Variants in EFL1 observed in about 807,000 individuals in gnomAD.
EFL1 encodes elongation factor like GTPase 1.
A neutral mutation model predicts 126.7 loss-of-function variants in EFL1; 76 were observed. That is an observed-to-expected ratio of 0.60 (90% CI 0.50 to 0.73). The LOEUF (loss-of-function observed/expected upper bound fraction) is 0.73, where lower values mean the gene tolerates loss of function less well. Ranked by LOEUF, EFL1 falls within the 30% of genes least tolerant of loss-of-function variation. EFL1 has a pLI of 0.00. For synonymous variants in EFL1, 410 were observed against 448.4 expected (o/e 0.91, Z 1.08); for missense variants, 1,128 against 1,343.2 (o/e 0.84, Z 2.50).
At chr15:82,206,608 G>C (rs1344511598) in intron 15 of EFL1, among the ~76,000 whole-genome samples, 2 of 152,062 alleles carry the variant, frequency 1.3e-5, no homozygotes, top group Non-Finnish European at 2.9e-5. Flanking sequence ...AGCTCTAACT[G>C]ATGTTAATTA....
chr15:82,209,316 G>GACAC (rs57128885), intron 15 of EFL1, among the ~76,000 whole-genome samples: 15,316 of 146,166 alleles, frequency 0.1, 990 homozygotes, highest in East Asian at 0.16. Context: ...CACAGACACA[G>GACAC]ACACACACAC....
intron 16 of EFL1, among the ~76,000 whole-genome samples, chr15:82,158,261 G>A (rs9944197): frequency 0.67 from 101,214 of 152,112 alleles, 35,422 homozygotes; most frequent in African/African-American, 0.89. Flanking sequence ...AACATTTAAT[G>A]TGATATTCAA....
intron 15 of EFL1, among the ~76,000 whole-genome samples, chr15:82,194,494 A>G (rs1204891446): frequency 6.6e-6 from 1 of 152,258 alleles, no homozygotes; most frequent in Non-Finnish European, 1.5e-5. Flanking sequence ...ATAAAATAGG[A>G]TATACCTTCC....
At chr15:82,195,568 G>C (rs1382308414) in intron 15 of EFL1, among the ~76,000 whole-genome samples, 1 of 152,192 alleles carries the variant, frequency 6.6e-6, no homozygotes, top group Admixed American at 6.5e-5. Context: ...TGGACCTCCA[G>C]TCTCTCTTTG....
intron 15 of EFL1, among the ~76,000 whole-genome samples, chr15:82,177,976 G>C (rs140204428): frequency 3.0e-4 from 45 of 152,254 alleles, no homozygotes; most frequent in Non-Finnish European, 4.4e-4. Context: ...GTGACTCTCT[G>C]AATAAAGACC....
chr15:82,154,662 G>C (rs1215215572), intron 17 of EFL1, among the ~76,000 whole-genome samples: 1 of 152,164 alleles, frequency 6.6e-6, no homozygotes, highest in East Asian at 1.9e-4. Flanking sequence ...TAAGTATGAA[G>C]GTAACTGCTA....
intron 15 of EFL1, among the ~76,000 whole-genome samples, chr15:82,185,044 CCTGCTACAATGGATTTTGT>C (rs2074288951): frequency 6.6e-6 from 1 of 152,186 alleles, no homozygotes; most frequent in East Asian, 1.9e-4. Context: ...TTTTATATCC[CCTGCTACAATGGATTTTGT>C]CTGTTAGAGA....
At chr15:82,261,182 C>A (rs1202244656) in intron 2 of EFL1, among the ~76,000 whole-genome samples, 4 of 152,066 alleles carry the variant, frequency 2.6e-5, no homozygotes, top group African/African-American at 9.7e-5. Context: ...CTTCCTAATC[C>A]TCTAGTTCTC....
intron 15 of EFL1, among the ~76,000 whole-genome samples, chr15:82,195,362 G>A (rs1318433870): frequency 1.3e-5 from 2 of 152,122 alleles, no homozygotes; most frequent in African/African-American, 2.4e-5. Context: ...GCTGTAAACC[G>A]TGCTAGTGTA....
intron 12 of EFL1, 48 bp downstream of exon 12, chr15:82,225,117 A>G (rs62012011): frequency 0.2 from 286,400 of 1,452,624 alleles, 30,698 homozygotes; most frequent in Non-Finnish European, 0.23. Context: ...CATCCCACCA[A>G]ACATACACCA....
At chr15:82,250,370 G>A (rs1295865819) in intron 4 of EFL1, among the ~76,000 whole-genome samples, 2 of 116,000 alleles carry the variant, frequency 1.7e-5, no homozygotes, top group African/African-American at 3.4e-5. Flanking sequence ...ACTCCACTCC[G>A]ATCACCACTG....
chr15:82,238,079 A>G (rs1567075212), intron 7 of EFL1, among the ~76,000 whole-genome samples: 1 of 152,182 alleles, frequency 6.6e-6, no homozygotes, highest in Non-Finnish European at 1.5e-5. Context: ...AATGTTTTGT[A>G]TATTGACGGC....
In EFL1 at chr15:82,217,910, A is replaced by G. The variant is rs796704380; in HGVS notation, c.1611+1742T>C. On this transcript the variant is annotated intron_variant, in intron 14 of 19. Transcript: ENST00000268206. ...TGATGAAGAGGGCCTCCAAGTTGGG[A>G]AGGTCCATATGACAAGAAACTGTAG... 5.3e-5 allele frequency among the ~76,000 whole-genome samples: 8 copies of G among 152,306 alleles called. 1 individual carries two copies. Among genetic ancestry groups the G allele is most frequent in the African/African-American group, 1.9e-4 (8 of 41,566 alleles).
chr15:82,179,384 T>C (rs1336751299), intron 15 of EFL1, among the ~76,000 whole-genome samples: 2 of 152,114 alleles, frequency 1.3e-5, no homozygotes, highest in Admixed American at 6.5e-5. Flanking sequence ...AGTTTGCTTG[T>C]AAAACAGCAC....
At chr15:82,244,925 T>G (rs1160886363) in intron 4 of EFL1, among the ~76,000 whole-genome samples, 1 of 152,142 alleles carries the variant, frequency 6.6e-6, no homozygotes, top group Non-Finnish European at 1.5e-5. Context: ...ACTGAAGTTA[T>G]GGAAGAAGAT....
At chr15:82,246,900 T>A (rs1282492535) in intron 4 of EFL1, among the ~76,000 whole-genome samples, 2 of 152,022 alleles carry the variant, frequency 1.3e-5, no homozygotes, top group African/African-American at 4.8e-5. Flanking sequence ...CAGTGAGAGA[T>A]GGGAAATCTG....
chr15:82,231,087 A>G, intron 7 of EFL1, 116 bp from the exon 8 acceptor site: 1 of 1,269,154 alleles, frequency 7.9e-7, no homozygotes, highest in Non-Finnish European at 1.1e-6. Flanking sequence ...TATCCTACAA[A>G]ATTTCCTCAT....
At chr15:82,135,137 A>T (rs1455426127) in intron 19 of EFL1, among the ~76,000 whole-genome samples, 6 of 152,216 alleles carry the variant, frequency 3.9e-5, no homozygotes, top group African/African-American at 1.4e-4. Flanking sequence ...GGTGGCAAGG[A>T]CATGGCAGAA....
intron 15 of EFL1, among the ~76,000 whole-genome samples, chr15:82,191,436 A>G (rs2141271543): frequency 6.6e-6 from 1 of 152,302 alleles, no homozygotes; most frequent in East Asian, 1.9e-4. Context: ...TAGAAGCTAA[A>G]AGCAGACTGC....
Sources: gnomAD v4.1 joint callset for allele counts (sites outside exome capture counted in the v4.1 genomes callset) on GRCh38, gnomAD v4.1.1 for gene constraint, MANE v1.5 for transcripts, NCBI Gene and HGNC (gene_info 2026-07-23, HGNC 2026-07-21) for gene names.